Variants in RNF212B observed in about 807,000 individuals in gnomAD.
RNF212B encodes ring finger protein 212B.
A neutral mutation model predicts 55.5 loss-of-function variants in RNF212B; 52 were observed. The ratio of observed to expected loss-of-function variants is 0.94; its 90% CI spans 0.75 to 1.18. The LOEUF (loss-of-function observed/expected upper bound fraction) is 1.18. Ranked by LOEUF, RNF212B falls within the 50% of genes most tolerant of loss-of-function variation. The pLI, the probability that RNF212B is intolerant of heterozygous loss-of-function variation, is 0.00. For synonymous variants in RNF212B, 99 were observed against 121.4 expected (o/e 0.82, Z 1.21); for missense variants, 289 against 350.4 (o/e 0.82, Z 1.40).
At position 23,243,650 on chromosome 14, in the gene RNF212B, C is replaced by G. The variant is rs144766756; in HGVS notation, c.153+342C>G. ...GGTGGAAGTTGCAGTGAGCTGAGCTCGCGCCACTGCACTCCAGCTTGGGCT... is the reference window on the plus strand; with the variant it reads ...GGTGGAAGTTGCAGTGAGCTGAGCTGGCGCCACTGCACTCCAGCTTGGGCT... On this transcript the variant is annotated intron_variant, in intron 3 of 14. Transcript: ENST00000430154. Among the ~76,000 whole-genome samples the G allele has an allele frequency of 6.9e-3, 987 of 143,612 alleles. 14 individuals carry two copies. Among genetic ancestry groups the G allele is most frequent in the African/African-American group, 0.024 (919 of 38,348 alleles). 94.2% of individuals were successfully genotyped at this position (143,612 alleles called of 152,430 possible).
chr14:23,233,118 T>G (rs1882836091), upstream of RNF212B, among the ~76,000 whole-genome samples: 1 of 152,210 alleles, frequency 6.6e-6, no homozygotes, highest in Non-Finnish European at 1.5e-5. Flanking sequence ...CCCAACTCTG[T>G]GCTCTCTGAA....
rs78930188 is a variant in RNF212B, at chr14:23,215,487, A to G, written c.-2+22086A>G. 8.4e-3 allele frequency among the ~76,000 whole-genome samples: 1,277 copies of G among 152,300 alleles called. 21 individuals are homozygous for G. Among genetic ancestry groups the G allele is most frequent in the African/African-American group, 0.029 (1,208 of 41,572 alleles). On this transcript the variant is annotated intron_variant, in intron 2 of 15. Transcript: ENST00000399910. ...GTCACAGCATTCTAGCCTGGGTGACAGAGCAAGACTCTGTATCTTTAAACA... is the reference window on the plus strand; with the variant it reads ...GTCACAGCATTCTAGCCTGGGTGACGGAGCAAGACTCTGTATCTTTAAACA...
chr14:23,255,060 A>T (rs2140461698), intron 4 of RNF212B, among the ~76,000 whole-genome samples: 1 of 152,270 alleles, frequency 6.6e-6, no homozygotes, highest in South Asian at 2.1e-4. Flanking sequence ...AGAGAGAGGT[A>T]ATAGCTAAAT....
chr14:23,231,431 T>C (rs548241195), intron 2 of RNF212B, among the ~76,000 whole-genome samples: 7 of 152,214 alleles, frequency 4.6e-5, no homozygotes, highest in Admixed American at 6.5e-5. Flanking sequence ...CACCCACATA[T>C]GCACATGCAA....
At chr14:23,219,230 A>T (rs1280997947) in intron 2 of RNF212B, among the ~76,000 whole-genome samples, 1 of 152,230 alleles carries the variant, frequency 6.6e-6, no homozygotes, top group Non-Finnish European at 1.5e-5. Flanking sequence ...GCTAATGAGC[A>T]AGAAGAAATC....
intron 7 of RNF212B, 75 bp from the exon 8 acceptor site, chr14:23,262,590 C>A (rs1885373283): frequency 8.1e-7 from 1 of 1,230,308 alleles, no homozygotes; most frequent in Non-Finnish European, 1.1e-6. Flanking sequence ...AAACAATGAT[C>A]TGATTGATCC....
chr14:23,229,226 A>ATT (rs1882322711), intron 2 of RNF212B, among the ~76,000 whole-genome samples: 1 of 47,632 alleles, frequency 2.1e-5, no homozygotes, highest in Non-Finnish European at 5.0e-5. Flanking sequence ...TATTTTATAT[A>ATT]TATATATATA....
intron 4 of RNF212B, among the ~76,000 whole-genome samples, chr14:23,255,320 G>C (rs1396069626): frequency 6.6e-6 from 1 of 152,122 alleles, no homozygotes; most frequent in Non-Finnish European, 1.5e-5. Flanking sequence ...AACTAAATTT[G>C]TTGTAATTTT....
At chr14:23,264,561 G>A (rs1340928914) in intron 10 of RNF212B, 62 bp from the exon 11 acceptor site, 4 of 1,121,886 alleles carry the variant, frequency 3.6e-6, no homozygotes, top group Non-Finnish European at 4.8e-6. Flanking sequence ...GATAAATAGG[G>A]AATAGGGAAG....
At chr14:23,256,591 C>A (rs1229991725) in intron 4 of RNF212B, among the ~76,000 whole-genome samples, 2 of 151,986 alleles carry the variant, frequency 1.3e-5, no homozygotes, top group Non-Finnish European at 2.9e-5. Flanking sequence ...AGGCTGGTCT[C>A]GAACTCCTGA....
At chr14:23,270,488 C>T (rs762600538) in intron 13 of RNF212B, 112 bp from the exon 14 acceptor site, 105 of 723,080 alleles carry the variant, frequency 1.5e-4, no homozygotes, top group Non-Finnish European at 2.3e-4. Context: ...GATTGTGTTT[C>T]CCTTCTGAGT....
intron 14 of RNF212B, 68 bp from the exon 15 acceptor site, chr14:23,272,755 C>A: frequency 1.0e-6 from 1 of 955,222 alleles, no homozygotes; most frequent in South Asian, 1.4e-5. Flanking sequence ...TACAACAGGT[C>A]AGAGAGACTT....
chr14:23,199,193 TTGGGGTACAG>T (rs1310672933), intron 2 of RNF212B, among the ~76,000 whole-genome samples: 1 of 152,148 alleles, frequency 6.6e-6, no homozygotes, highest in Non-Finnish European at 1.5e-5. Flanking sequence ...CCCAAGGTGG[TTGGGGTACAG>T]CTTAGTTTTA....
At chr14:23,230,378 G>A (rs1159365432) in intron 2 of RNF212B, among the ~76,000 whole-genome samples, 1 of 152,042 alleles carries the variant, frequency 6.6e-6, no homozygotes, top group African/African-American at 2.4e-5. Flanking sequence ...TTGCCGGCCG[G>A]GCGCGGTGGC....
Position 23,262,821 on chromosome 14 carries a change from A to C in RNF212B, c.482-107A>C, listed in dbSNP as rs1885395868. ...ATGTGATCTTCCTAACTTTATGTGT[A>C]ATATGAAAACATTATATAACCAGAT... On this transcript the variant is annotated intron_variant, in intron 8 of 14. Transcript: ENST00000430154. The C allele has an allele frequency of 4.1e-6, 6 of 1,449,678 alleles. No individual in the cohort carries two copies. In the South Asian group the frequency reaches 7.3e-5, roughly 18 times the overall value. The allele number at this position is 1,449,678 out of a possible 1,614,324, so 89.8% of individuals were successfully genotyped here.
chr14:23,258,248 G>T (rs1884994678), intron 4 of RNF212B, among the ~76,000 whole-genome samples: 1 of 148,840 alleles, frequency 6.7e-6, no homozygotes, highest in African/African-American at 2.5e-5. Flanking sequence ...TGAGGCAGGA[G>T]AATAGCTTGA....
At chr14:23,212,477 G>A (rs1489326603) in intron 2 of RNF212B, among the ~76,000 whole-genome samples, 1 of 152,050 alleles carries the variant, frequency 6.6e-6, no homozygotes, top group Non-Finnish European at 1.5e-5. Flanking sequence ...AAAGTTTGTA[G>A]AATACAAGAT....
chr14:23,194,756 AAC>A (rs1350564750), intron 2 of RNF212B, among the ~76,000 whole-genome samples: 23 of 144,686 alleles, frequency 1.6e-4, no homozygotes, highest in African/African-American at 5.4e-4. Context: ...AAAAAAAAAA[AAC>A]AACGCTGCTG....
chr14:23,272,248 T>C (rs1384129689), intron 14 of RNF212B, among the ~76,000 whole-genome samples: 2 of 152,084 alleles, frequency 1.3e-5, no homozygotes, highest in Non-Finnish European at 2.9e-5. Context: ...AAACCCCGTC[T>C]ATACTAAAAA....
Sources: allele counts gnomAD v4.1 joint callset (sites outside exome capture counted in the v4.1 genomes callset), GRCh38; gene constraint gnomAD v4.1.1; transcripts MANE v1.5; gene names NCBI Gene and HGNC (gene_info 2026-07-23, HGNC 2026-07-21).